ABHD12: variants seen among roughly 807,000 people sequenced by gnomAD.
ABHD12 encodes the protein lysophosphatidylserine lipase ABHD12.
In ABHD12, 43 loss-of-function variants were observed where a neutral mutation model predicts 58.3. That is an observed-to-expected ratio of 0.74 (90% CI 0.58 to 0.95). The LOEUF is 0.95. ABHD12 is among the 40% of genes least tolerant of loss of function. The pLI is 0.00. For missense variants in ABHD12, 539 were observed against 537.2 expected, an observed-to-expected ratio of 1.00 and a Z score of -0.03; for synonymous variants, 219 against 211.2, an observed-to-expected ratio of 1.04 and a Z score of -0.32.
At chr20:25,328,165 C>T (rs367588213) in intron 2 of ABHD12, among the ~76,000 whole-genome samples, 12 of 152,196 alleles carry the variant, frequency 7.9e-5, no homozygotes, top group East Asian at 3.9e-4. Flanking sequence ...CAATGGGACC[C>T]GGAGAAGGCT....
At chr20:25,318,083 G>A (rs1311187184) in intron 4 of ABHD12, among the ~76,000 whole-genome samples, 1 of 152,230 alleles carries the variant, frequency 6.6e-6, no homozygotes, top group Non-Finnish European at 1.5e-5. Context: ...TTGGGAGGCC[G>A]AGGTGAGCAG....
intron 1 of ABHD12, among the ~76,000 whole-genome samples, chr20:25,373,051 C>T (rs1568769895): frequency 6.6e-6 from 1 of 152,184 alleles, no homozygotes; most frequent in Non-Finnish European, 1.5e-5. Flanking sequence ...TCATGCTGTG[C>T]AGGTTTGCAG....
intron 11 of ABHD12, 34 bp from the exon 12 acceptor site, chr20:25,302,380 G>C: frequency 1.9e-6 from 3 of 1,611,274 alleles, no homozygotes; most frequent in Non-Finnish European, 2.5e-6. Flanking sequence ...TGAGGCAGTG[G>C]CCTGGCATGG....
rs183552903 is a variant in ABHD12 at position 25,375,586 on chromosome 20, C to T, written c.191+14927G>A. On this transcript the variant is annotated intron_variant, in intron 1 of 12. Coordinates refer to ENST00000339157, the MANE Select transcript of ABHD12 (RefSeq NM_001042472.3). Reference sequence around the variant, plus strand: ...CCACACCCACAACCCTGGGAGTCCACGTGGCTCCCCTCCCTGTGCCATGGC... The same window carrying T: ...CCACACCCACAACCCTGGGAGTCCATGTGGCTCCCCTCCCTGTGCCATGGC... Among the ~76,000 whole-genome samples the T allele has an allele frequency of 6.2e-4, 95 of 152,292 alleles. 2 individuals carry two copies. The East Asian group carries it at 0.016, about 26-fold the overall frequency.
Position 25,333,265 on chromosome 20 carries a change from T to A in ABHD12, c.316+5962A>T, listed in dbSNP as rs1328717811. Among the ~76,000 whole-genome samples, 6 of 116,402 alleles carry A rather than the reference T, an allele frequency of 5.2e-5. 3 individuals are homozygous for A. The highest frequency in any genetic ancestry group is 8.1e-5 in the Non-Finnish European group (4 of 49,626). The allele number at this position is 116,402 out of a possible 152,430, so 76.4% of individuals were successfully genotyped here. On this transcript the variant is annotated intron_variant, in intron 2 of 12. Transcript: ENST00000339157. ...TCCGAAGACTAAACCAGGAAGAAAT[T>A]CAATCTCTGAATAGACCAATAACAG...
intron 1 of ABHD12, among the ~76,000 whole-genome samples, chr20:25,358,018 G>GTAA (rs748283733): frequency 2.8e-4 from 42 of 152,122 alleles, no homozygotes; most frequent in Non-Finnish European, 5.7e-4. Context: ...CTCAAAAACA[G>GTAA]TAATAATAAT....
intron 1 of ABHD12, among the ~76,000 whole-genome samples, chr20:25,372,198 T>C (rs1407915044): frequency 6.6e-6 from 1 of 151,878 alleles, no homozygotes; most frequent in Non-Finnish European, 1.5e-5. Flanking sequence ...GGTCTGCTGA[T>C]GATGAATTAT....
chr20:25,336,689 C>T (rs777438524), intron 2 of ABHD12, among the ~76,000 whole-genome samples: 1 of 152,232 alleles, frequency 6.6e-6, no homozygotes, highest in Non-Finnish European at 1.5e-5. Context: ...GGAAAACCAA[C>T]AAGCTCCATG....
At chr20:25,368,656 G>A in intron 1 of ABHD12, 1 of 1,364,124 alleles carries the variant, frequency 7.3e-7, no homozygotes, top group Non-Finnish European at 1.0e-6. Flanking sequence ...AGTGCTCAGA[G>A]CATGAAAGTT....
intron 2 of ABHD12, among the ~76,000 whole-genome samples, chr20:25,331,225 T>C (rs1259612391): frequency 6.6e-6 from 1 of 151,964 alleles, no homozygotes; most frequent in Non-Finnish European, 1.5e-5. Context: ...TGATGGAAGA[T>C]GAAATGAAGC....
chr20:25,334,033 T>C (rs990481944), intron 2 of ABHD12, among the ~76,000 whole-genome samples: 5 of 152,124 alleles, frequency 3.3e-5, no homozygotes, highest in Non-Finnish European at 7.3e-5. Context: ...TGTTTGCAGA[T>C]GACATGATGG....
At chr20:25,385,331 C>CAAAAAAAAAAAAAAAAAAAAA (rs11477490) in intron 1 of ABHD12, among the ~76,000 whole-genome samples, 4 of 51,716 alleles carry the variant, frequency 7.7e-5, no homozygotes, top group Non-Finnish European at 1.4e-4. Context: ...GAGTGAGACT[C>CAAAAAAAAAAAAAAAAAAAAA]AAAAAAAAAA....
At chr20:25,348,971 C>A (rs1040441957) in intron 1 of ABHD12, among the ~76,000 whole-genome samples, 6 of 151,816 alleles carry the variant, frequency 4.0e-5, no homozygotes, top group African/African-American at 7.3e-5. Context: ...GTAGTCCCAG[C>A]CACTCGGGAG....
rs894144981 is a variant in ABHD12, at chr20:25,390,813, C to G, written c.-110G>C. On this transcript the variant is annotated 5_prime_UTR_variant, in exon 1 of 13. An upstream open reading frame in the 5' UTR loses its in-frame stop. Transcript: ENST00000339157. ...CCGGAGCCCGGAACCCGCCGCTCCT[C>G]ACATCCCAGCCCAGGCCGCTGCGCC... is the stretch of plus-strand genomic sequence containing the variant. 1.4e-6 allele frequency: 1 copy of G among 708,374 alleles called. No individual in the cohort carries two copies. The highest frequency in any genetic ancestry group is 1.9e-6 in the Non-Finnish European group (1 of 528,304). 43.9% of individuals were successfully genotyped at this position (708,374 alleles called of 1,614,324 possible).
At chr20:25,322,563 T>C (rs1157695387) in intron 3 of ABHD12, among the ~76,000 whole-genome samples, 1 of 150,272 alleles carries the variant, frequency 6.7e-6, no homozygotes, top group Non-Finnish European at 1.5e-5. Flanking sequence ...TATTTTTTTT[T>C]CAGTAGAGAC....
chr20:25,378,717 T>A (rs1020558761), intron 1 of ABHD12, among the ~76,000 whole-genome samples: 1 of 131,758 alleles, frequency 7.6e-6, no homozygotes, highest in Non-Finnish European at 1.6e-5. Context: ...TTTTTTTTTT[T>A]ACCATGAAGC....
intron 1 of ABHD12, among the ~76,000 whole-genome samples, chr20:25,362,955 G>A (rs1242867235): frequency 6.6e-6 from 1 of 151,860 alleles, no homozygotes; most frequent in Non-Finnish European, 1.5e-5. Flanking sequence ...TTACAGGCGT[G>A]AACCACTGTG....
rs981139889 is a variant in ABHD12, at chr20:25,300,757, C to T, written c.*88G>A. The T allele has an allele frequency of 9.3e-6, 15 of 1,606,860 alleles. No homozygotes were observed. In the South Asian group the frequency reaches 1.0e-4, roughly 11 times the overall value. ...GGCTCCTGAGCATTGCAGGTGCCGGCCCCCCGGGGCTTCAGGATACCGGGC... is the reference window on the plus strand; with the variant it reads ...GGCTCCTGAGCATTGCAGGTGCCGGTCCCCCGGGGCTTCAGGATACCGGGC... On this transcript the variant is annotated 3_prime_UTR_variant, in exon 13 of 13. Transcript: ENST00000339157.
At chr20:25,382,872 G>C (rs1347242853) in intron 1 of ABHD12, among the ~76,000 whole-genome samples, 1 of 152,188 alleles carries the variant, frequency 6.6e-6, no homozygotes, top group Non-Finnish European at 1.5e-5. Flanking sequence ...AGTGTGGCCA[G>C]TCCCTGGCTG....
Sources: gnomAD v4.1 joint callset for allele counts (sites outside exome capture counted in the v4.1 genomes callset) on GRCh38, gnomAD v4.1.1 for gene constraint, MANE v1.5 for transcripts, NCBI Gene and HGNC (gene_info 2026-07-23, HGNC 2026-07-21) for gene names.